Variants in LRP2 observed in about 807,000 individuals in gnomAD.
The protein encoded by LRP2 is LDL receptor related protein 2.
Under a neutral mutation model 531.0 loss-of-function variants are expected in LRP2, and 172 were observed. The ratio of observed to expected loss-of-function variants is 0.32; its 90% CI spans 0.29 to 0.37. The LOEUF (loss-of-function observed/expected upper bound fraction) is 0.37. LRP2 is among the 10% of genes least tolerant of loss of function. The probability of loss-of-function intolerance (pLI) is 1.00; values close to 1 mark genes in which losing one functional copy is unlikely to be tolerated. For missense variants in LRP2, 5,167 were observed against 5,868.3 expected, an observed-to-expected ratio of 0.88 and a Z score of 3.90; for synonymous variants, 1,992 against 2,027.6, an observed-to-expected ratio of 0.98 and a Z score of 0.47.
Position 169,323,964 on chromosome 2 carries a change from C to A in LRP2, c.80-3080G>T, listed in dbSNP as rs557054913. On this transcript the variant is annotated intron_variant, in intron 1 of 78. Coordinates refer to ENST00000649046, the MANE Select transcript of LRP2 (RefSeq NM_004525.3). Reference sequence around the variant, plus strand: ...GAACCAGGCAATCATCACAAAGGAACCATCGGAACCAAATGAACACCCTAT... The same window carrying A: ...GAACCAGGCAATCATCACAAAGGAAACATCGGAACCAAATGAACACCCTAT... 2.0e-3 allele frequency among the ~76,000 whole-genome samples: 304 copies of A among 152,172 alleles called. 1 individual carries two copies. Among genetic ancestry groups the A allele is most frequent in the African/African-American group, 7.0e-3 (289 of 41,512 alleles).
chr2:169,138,753 CA>C (rs749466179), intron 74 of LRP2, 47 bp from the exon 75 acceptor site: 34 of 1,605,518 alleles, frequency 2.1e-5, no homozygotes, highest in Non-Finnish European at 2.8e-5. Context: ...AAAACAACAA[CA>C]ACAAAAACAA....
At chr2:169,319,003 A>G (rs1684841618) in intron 2 of LRP2, 119 bp from the exon 3 acceptor site, 1 of 1,260,312 alleles carries the variant, frequency 7.9e-7, no homozygotes, top group East Asian at 2.5e-5. Flanking sequence ...TTGAAGGCAA[A>G]TAGTAAACAA....
At chr2:169,352,413 A>C (rs2105577904) in intron 1 of LRP2, among the ~76,000 whole-genome samples, 1 of 152,288 alleles carries the variant, frequency 6.6e-6, no homozygotes, top group East Asian at 1.9e-4. Flanking sequence ...CCCATCCAAA[A>C]GAAAGAGATT....
At chr2:169,256,058 C>T in intron 19 of LRP2, 48 bp downstream of exon 19, 1 of 1,597,202 alleles carries the variant, frequency 6.3e-7, no homozygotes, top group Non-Finnish European at 8.6e-7. Flanking sequence ...ACTATTGTAA[C>T]TTGCAATGTA....
intron 1 of LRP2, among the ~76,000 whole-genome samples, chr2:169,338,988 GA>G (rs1685493600): frequency 6.6e-6 from 1 of 152,104 alleles, no homozygotes; most frequent in Admixed American, 6.6e-5. Flanking sequence ...GTAGAGTGAG[GA>G]TTATGGGTCT....
rs1271803445 is a variant in LRP2 at position 169,292,344 on chromosome 2, C to T, written c.678G>A (p.Gln226=). The T allele has an allele frequency of 1.2e-6, 2 of 1,613,722 alleles. No homozygotes were observed. Among genetic ancestry groups the T allele is most frequent in the Admixed American group, 3.3e-5 (2 of 60,022 alleles). ...TGCATCGGCCACTGGGGCAAGTGAA[C>T]TGGTAACCACCGCAGGTCGGATAGT... ...ACNYPTCGGY[Q]FTCPSGRCIY... Residue 226 remains glutamine (Q), a synonymous_variant, in exon 7 of 79, where the codon CAG becomes CAA. Coordinates refer to ENST00000649046, the MANE Select transcript of LRP2 (RefSeq NM_004525.3).
intron 55 of LRP2, 134 bp from the exon 56 acceptor site, chr2:169,174,298 C>CAGTGCTCCATGTAGT: frequency 2.9e-6 from 3 of 1,041,612 alleles, no homozygotes; most frequent in Non-Finnish European, 4.3e-6. Context: ...ACTTATCAGT[C>CAGTGCTCCATGTAGT]AGTACTACTA....
At chr2:169,342,826 T>G (rs1685601737) in intron 1 of LRP2, among the ~76,000 whole-genome samples, 1 of 152,222 alleles carries the variant, frequency 6.6e-6, no homozygotes, top group Non-Finnish European at 1.5e-5. Flanking sequence ...AATACATCAG[T>G]GATTATTTTA....
intron 43 of LRP2, 41 bp downstream of exon 43, chr2:169,202,715 T>G: frequency 2.5e-6 from 4 of 1,591,498 alleles, no homozygotes; most frequent in Non-Finnish European, 3.5e-6. Flanking sequence ...GACATCAAGA[T>G]GCCATTAGCT....
intron 69 of LRP2, among the ~76,000 whole-genome samples, chr2:169,146,170 C>T (rs566355837): frequency 6.6e-6 from 1 of 152,120 alleles, no homozygotes; most frequent in Non-Finnish European, 1.5e-5. Context: ...AATCACAGGG[C>T]CCTAGCTCAC....
intron 16 of LRP2, among the ~76,000 whole-genome samples, chr2:169,264,027 A>G (rs1264650608): frequency 2.0e-5 from 3 of 152,126 alleles, no homozygotes; most frequent in Non-Finnish European, 2.9e-5. Flanking sequence ...ATTCTCACTC[A>G]TAGGTGGGAA....
chr2:169,224,158 G>A lies in LRP2; in HGVS notation c.5538+1152C>T, dbSNP rs149910977. Among the ~76,000 whole-genome samples, 7 of 152,278 alleles carry A rather than the reference G, an allele frequency of 4.6e-5. No individual in the cohort carries two copies. In the East Asian group the frequency reaches 9.6e-4, roughly 21 times the overall value. On this transcript the variant is annotated intron_variant, in intron 33 of 78. Transcript: ENST00000649046. ...TAAATTAGCCAGCAGGCTGCTGTGCGCCTTGCTCATCTTCAGTATCTTTCT... is the reference window on the plus strand; with the variant it reads ...TAAATTAGCCAGCAGGCTGCTGTGCACCTTGCTCATCTTCAGTATCTTTCT...
rs925936001 is a variant in LRP2, at chr2:169,320,782, C to G, written c.182G>C (p.Gly61Ala). ...CCTGGCCCCTCCTCACTTACCGCAG[C>G]CAATTTCATCCGCGTCATCTGAACA... ...KDCSDDADEI[G>A]CAVVTCQQGY... is the part of the protein sequence containing the mutation. The change falls in exon 2 of 79, where the codon GGC (glycine) becomes GCC (alanine). Residue 61 changes from glycine (G) to alanine (A), a missense_variant. Around this residue, in one of 6 missense-constraint regions of LRP2, gnomAD observed 2,811 missense variants for 3,058.0 expected, o/e 0.92. Coordinates refer to ENST00000649046, the MANE Select transcript of LRP2 (RefSeq NM_004525.3). 1 of 1,613,910 alleles carries G rather than the reference C, an allele frequency of 6.2e-7. No individual in the cohort carries two copies. The highest frequency in any genetic ancestry group is 2.2e-5 in the East Asian group (1 of 44,878).
Position 169,244,914 on chromosome 2 carries a change from G to A in LRP2, c.3209C>T (p.Ser1070Leu), listed in dbSNP as rs745389472. 41 of 1,614,080 alleles carry A rather than the reference G, an allele frequency of 2.5e-5. No homozygotes were observed. Among genetic ancestry groups the A allele is most frequent in the Admixed American group, 1.2e-4 (7 of 60,002 alleles). Reference protein sequence around the residue: ...CGTLNNTCSSSAFTCGHGECI... With the variant: ...CGTLNNTCSSLAFTCGHGECI... ...CTCCCCATGGCCACAGGTGAACGCCGAAGATGAACAGGTATTATCTACAAT... is the reference window on the plus strand; with the variant it reads ...CTCCCCATGGCCACAGGTGAACGCCAAAGATGAACAGGTATTATCTACAAT... Residue 1070 changes from serine to leucine, a missense_variant, in exon 22 of 79, where the codon TCG becomes TTG. Ser to Leu is a moderately radical substitution (Grantham distance 145, BLOSUM62 -2). Around this residue, in one of 6 missense-constraint regions of LRP2, gnomAD observed 2,811 missense variants for 3,058.0 expected, o/e 0.92. Coordinates refer to ENST00000649046, the MANE Select transcript of LRP2 (RefSeq NM_004525.3).
chr2:169,271,724 T>C (rs1016136644), intron 15 of LRP2: 1 of 983,240 alleles, frequency 1.0e-6, no homozygotes, highest in African/African-American at 1.8e-5. Context: ...CTATAGTAAT[T>C]CCGTAACAAT....
intron 35 of LRP2, among the ~76,000 whole-genome samples, chr2:169,214,511 T>C (rs530307448): frequency 5.0e-4 from 76 of 152,308 alleles, no homozygotes; most frequent in African/African-American, 1.8e-3. Flanking sequence ...GTGCCTGCTC[T>C]GTGCCAGGAT....
intron 16 of LRP2, among the ~76,000 whole-genome samples, chr2:169,269,030 G>A (rs1683318955): frequency 6.6e-6 from 1 of 152,046 alleles, no homozygotes; most frequent in African/African-American, 2.4e-5. Flanking sequence ...AAAATACCTA[G>A]GAATCCAACT....
chr2:169,349,408 G>T (rs192129898), intron 1 of LRP2, among the ~76,000 whole-genome samples: 65 of 152,308 alleles, frequency 4.3e-4, no homozygotes, highest in African/African-American at 1.6e-3. Context: ...ATATCACTGT[G>T]CCTGGTGCAC....
intron 6 of LRP2, 118 bp from the exon 7 acceptor site, chr2:169,292,487 T>A: frequency 1.3e-6 from 1 of 746,460 alleles, no homozygotes. Context: ...ATCAATTTAA[T>A]CCCTTAGACA....
Sources: gnomAD v4.1 joint callset for allele counts (sites outside exome capture counted in the v4.1 genomes callset) on GRCh38, gnomAD v4.1.1 for gene constraint, gnomAD v4.1.1 regional missense constraint, MANE v1.5 for transcripts, NCBI Gene and HGNC (gene_info 2026-07-23, HGNC 2026-07-21) for gene names.